The following SLC36A3 variants were observed in gnomAD, a reference collection of about 807,000 sequenced individuals.
SLC36A3 encodes proton-coupled amino acid transporter 3.
A neutral mutation model predicts 44.3 loss-of-function variants in SLC36A3; 35 were observed. That is an observed-to-expected ratio of 0.79 (90% CI 0.60 to 1.05). The LOEUF (loss-of-function observed/expected upper bound fraction) is 1.05. SLC36A3 is among the 50% of genes least tolerant of loss of function. The pLI, the probability that SLC36A3 is intolerant of heterozygous loss-of-function variation, is 0.00. For missense variants in SLC36A3, 540 were observed against 578.7 expected (o/e 0.93, Z 0.69); for synonymous variants, 211 against 227.6 (o/e 0.93, Z 0.66).
At chr5:151,281,204 T>A (rs763835637) in intron 8 of SLC36A3, 21 bp from the exon 9 acceptor site, 6 of 1,589,792 alleles carry the variant, frequency 3.8e-6, no homozygotes, top group Non-Finnish European at 5.1e-6. Context: ...ATGAATTGGA[T>A]GTGAAAGGTG....
intron 5 of SLC36A3, 88 bp from the exon 6 acceptor site, chr5:151,287,552 C>A (rs1754589742): frequency 1.7e-5 from 22 of 1,273,966 alleles, no homozygotes; most frequent in South Asian, 5.6e-5. Flanking sequence ...ATTAATGTAA[C>A]TTTTTAGTAT....
intron 1 of SLC36A3, among the ~76,000 whole-genome samples, chr5:151,299,262 CTCTATATATATA>C (rs1434253606): frequency 3.1e-4 from 20 of 64,440 alleles, no homozygotes; most frequent in Admixed American, 1.6e-3. Context: ...CTCTCTCTCT[CTCTATATATATA>C]TATATATATA....
chr5:151,281,812 A>G (rs1264261418), intron 8 of SLC36A3, among the ~76,000 whole-genome samples: 1 of 152,070 alleles, frequency 6.6e-6, no homozygotes, highest in African/African-American at 2.4e-5. Context: ...ACAGAGTGAG[A>G]CTCCATCTCA....
intron 8 of SLC36A3, among the ~76,000 whole-genome samples, chr5:151,282,093 TTTC>T (rs1754339403): frequency 6.6e-6 from 1 of 150,802 alleles, no homozygotes; most frequent in Non-Finnish European, 1.5e-5. Flanking sequence ...TTACCCAATA[TTTC>T]TTTTCTTTTT....
At chr5:151,296,606 T>G (rs1754969501) in intron 2 of SLC36A3, 1 of 319,392 alleles carries the variant, frequency 3.1e-6, no homozygotes, top group Non-Finnish European at 5.9e-6. Flanking sequence ...TGGCCCTCAC[T>G]TCCTCCAAGA....
chr5:151,301,699 C>A (rs1755169366), intron 1 of SLC36A3, among the ~76,000 whole-genome samples: 1 of 150,204 alleles, frequency 6.7e-6, no homozygotes, highest in Non-Finnish European at 1.5e-5. Context: ...CCACTGCACT[C>A]CAGCCTGGGC....
chr5:151,292,993 C>G (rs1019705074), intron 4 of SLC36A3, among the ~76,000 whole-genome samples: 1 of 151,750 alleles, frequency 6.6e-6, no homozygotes, highest in South Asian at 2.1e-4. Context: ...CCTCCCCCCC[C>G]AAAAATGAGG....
intron 2 of SLC36A3, chr5:151,297,035 T>A (rs773174200): frequency 6.6e-6 from 1 of 152,252 alleles, no homozygotes; most frequent in Non-Finnish European, 1.5e-5. Context: ...TTTATAGATG[T>A]GACCTATCAC....
chr5:151,288,808 AG>A (rs1754646827), intron 4 of SLC36A3: 1 of 153,890 alleles, frequency 6.5e-6, no homozygotes, highest in African/African-American at 2.4e-5. Context: ...AGTCAATTGC[AG>A]GTCACTTTGG....
Position 151,296,191 on chromosome 5 carries a change from G to C in SLC36A3, c.297C>G (p.His99Gln), listed in dbSNP as rs1483366965. The change falls in exon 3 of 10, where the codon CAC (histidine) becomes CAG (glutamine). Residue 99 changes from histidine to glutamine, a missense_variant. Physicochemically the swap from His to Gln is conservative, Grantham distance 24. Coordinates refer to ENST00000335230, the MANE Select transcript of SLC36A3 (RefSeq NM_181774.4). ...AGCAGGCCTCTGACCTCTGGCTGAG[G>C]TGTTGAGCACAGTTCAACAGGATGA... Reference protein sequence around the residue: ...CMVILLNCAQHLSQRLQKTFV... With the variant: ...CMVILLNCAQQLSQRLQKTFV... 1 of 1,614,002 alleles carries C rather than the reference G, an allele frequency of 6.2e-7. No individual in the cohort carries two copies. Among genetic ancestry groups the C allele is most frequent in the Non-Finnish European group, 8.5e-7 (1 of 1,180,010 alleles).
At chr5:151,289,073 A>T (rs1754660635) in intron 4 of SLC36A3, 1 of 153,838 alleles carries the variant, frequency 6.5e-6, no homozygotes, top group South Asian at 2.0e-4. Flanking sequence ...AAAAAAAAAA[A>T]GAAAAAGTCA....
At chr5:151,298,329 A>C (rs1460070109) in intron 2 of SLC36A3, 1 of 405,180 alleles carries the variant, frequency 2.5e-6, no homozygotes, top group Non-Finnish European at 4.5e-6. Context: ...ATGTGATCCT[A>C]GGAGTGGGGA....
intron 8 of SLC36A3, among the ~76,000 whole-genome samples, chr5:151,281,559 T>C (rs1034303839): frequency 7.2e-5 from 11 of 152,306 alleles, no homozygotes; most frequent in Middle Eastern, 3.4e-3. Context: ...GGCTCACGCT[T>C]GTAATCGCAG....
chr5:151,280,100 A>G (rs1049596176), intron 9 of SLC36A3, among the ~76,000 whole-genome samples: 5 of 152,292 alleles, frequency 3.3e-5, no homozygotes, highest in South Asian at 2.1e-4. Context: ...TGAGTGAGTG[A>G]ATGAATGAAT....
intron 5 of SLC36A3, among the ~76,000 whole-genome samples, chr5:151,288,049 T>C (rs1226306528): frequency 2.0e-5 from 3 of 152,210 alleles, no homozygotes; most frequent in African/African-American, 7.2e-5. Flanking sequence ...CAGCTTGTTG[T>C]CCTTGTATAG....
chr5:151,301,732 A>G (rs1755170977), intron 1 of SLC36A3, among the ~76,000 whole-genome samples: 1 of 148,188 alleles, frequency 6.7e-6, no homozygotes. Flanking sequence ...CTCCGTCTAA[A>G]AAAAAAAAAA....
At chr5:151,284,575 G>A (rs1754458362) in intron 7 of SLC36A3, 38 bp downstream of exon 7, 1 of 1,512,896 alleles carries the variant, frequency 6.6e-7, no homozygotes, top group South Asian at 1.2e-5. Flanking sequence ...ACTGTAGAGG[G>A]CGCTAGGGAC....
intron 9 of SLC36A3, among the ~76,000 whole-genome samples, 182 bp downstream of exon 9, chr5:151,280,832 T>C (rs988807795): frequency 2.0e-5 from 3 of 152,260 alleles, no homozygotes; most frequent in Admixed American, 6.5e-5. Flanking sequence ...CTATAACATT[T>C]ACTGTGTGGT....
chr5:151,296,242 G>A lies in SLC36A3; in HGVS notation c.246C>T (p.Ile82=), dbSNP rs749036707. Residue 82 remains isoleucine (I), a synonymous_variant, in exon 3 of 10, where the codon ATC becomes ATT. Transcript: ENST00000335230. ...LLVGPVSLLA[I]GVLTVHCMVI... is the part of the protein sequence containing the mutation. ...CCATGCAGTGCACGGTGAGGACCCC[G>A]ATGGCCAGAAGGCTGACAGGACCGA... The A allele has an allele frequency of 6.2e-6, 10 of 1,614,144 alleles. No homozygotes were observed. Among genetic ancestry groups the A allele is most frequent in the Middle Eastern group, 1.7e-4 (1 of 6,040 alleles).
Sources: allele counts gnomAD v4.1 joint callset (sites outside exome capture counted in the v4.1 genomes callset), GRCh38; gene constraint gnomAD v4.1.1; transcripts MANE v1.5; gene names NCBI Gene and HGNC (gene_info 2026-07-23, HGNC 2026-07-21).